Variants in MAGI2 observed in about 807,000 individuals in gnomAD.
MAGI2 encodes the protein membrane associated guanylate kinase, WW and PDZ domain containing 2, also known as membrane-associated guanylate kinase, WW and PDZ domain-containing protein 2.
MAGI2 carries 35 observed loss-of-function variants against 133.3 expected under a neutral mutation model. The ratio of observed to expected loss-of-function variants is 0.26; its 90% CI spans 0.20 to 0.35. The LOEUF is 0.35. MAGI2 is among the 10% of genes least tolerant of loss of function. MAGI2 has a pLI of 1.00. For synonymous variants in MAGI2, 729 were observed against 710.6 expected (o/e 1.03, Z -0.41); for missense variants, 1,636 against 1,863.4 (o/e 0.88, Z 2.25).
At position 78,422,580 on chromosome 7, in the gene MAGI2, C is replaced by CAAA. The variant is rs11441295; in HGVS notation, c.1046-53370_1046-53368dup. 1.9e-3 allele frequency among the ~76,000 whole-genome samples: 213 copies of CAAA among 112,898 alleles called. 3 individuals are homozygous for CAAA. Among genetic ancestry groups the CAAA allele is most frequent in the African/African-American group, 5.6e-3 (197 of 34,934 alleles). 74.1% of individuals were successfully genotyped at this position (112,898 alleles called of 152,430 possible). A position where few individuals can be genotyped will look rare whatever the true frequency, so the allele number is the denominator to read the frequency against. On this transcript the variant is annotated intron_variant, in intron 6 of 21. Transcript: ENST00000354212. ...AGAAGGTGAATGTAATGTGTAAAGG[C>CAAA]AAAAAAAAAAAAAAAATCTACTCCT...
intron 1 of MAGI2, among the ~76,000 whole-genome samples, chr7:79,150,715 T>C (rs1279635294): frequency 6.6e-6 from 1 of 152,092 alleles, no homozygotes; most frequent in Non-Finnish European, 1.5e-5. Flanking sequence ...AATTTTTCCT[T>C]CTTTTTCATC....
At chr7:78,415,294 G>C (rs1798199697) in intron 6 of MAGI2, among the ~76,000 whole-genome samples, 1 of 152,060 alleles carries the variant, frequency 6.6e-6, no homozygotes, top group Admixed American at 6.6e-5. Context: ...GAGCTACGCT[G>C]CACTGCTGTG....
chr7:79,054,786 G>A (rs750606771), intron 1 of MAGI2, among the ~76,000 whole-genome samples: 22 of 151,992 alleles, frequency 1.4e-4, no homozygotes, highest in Non-Finnish European at 2.9e-4. Context: ...TTTGTCTTTG[G>A]GTCCCAATTT....
intron 10 of MAGI2, among the ~76,000 whole-genome samples, chr7:78,241,626 T>A (rs561641110): frequency 5.0e-4 from 76 of 152,310 alleles, no homozygotes; most frequent in Middle Eastern, 3.4e-3. Context: ...CACATCACTA[T>A]ATCATGTTAG....
intron 20 of MAGI2, among the ~76,000 whole-genome samples, chr7:78,093,961 A>G (rs1404896873): frequency 6.6e-6 from 1 of 152,212 alleles, no homozygotes; most frequent in Non-Finnish European, 1.5e-5. Flanking sequence ...GCAACCAACC[A>G]ACCTTCTATG....
intron 3 of MAGI2, among the ~76,000 whole-genome samples, chr7:78,544,855 TAAAAAC>T (rs954565064): frequency 2.0e-4 from 30 of 151,444 alleles, no homozygotes; most frequent in Non-Finnish European, 3.7e-4. Flanking sequence ...AAAATAAAAA[TAAAAAC>T]AAAAAACAAC....
At chr7:78,745,292 CT>C (rs1822820982) in intron 2 of MAGI2, among the ~76,000 whole-genome samples, 1 of 152,146 alleles carries the variant, frequency 6.6e-6, no homozygotes, top group African/African-American at 2.4e-5. Flanking sequence ...AGATTTGAAC[CT>C]CTGCAGTTTG....
At chr7:78,686,659 C>T (rs1223504750) in intron 2 of MAGI2, among the ~76,000 whole-genome samples, 5 of 151,706 alleles carry the variant, frequency 3.3e-5, no homozygotes, top group East Asian at 1.9e-4. Context: ...TAATGTGATC[C>T]GAGGCTATGA....
At chr7:78,288,201 G>A (rs188859363) in intron 9 of MAGI2, among the ~76,000 whole-genome samples, 8 of 152,112 alleles carry the variant, frequency 5.3e-5, no homozygotes, top group African/African-American at 1.7e-4. Flanking sequence ...TAATTTTAAC[G>A]GAATTCTTCT....
intron 21 of MAGI2, among the ~76,000 whole-genome samples, chr7:78,048,431 C>G (rs1811655280): frequency 6.6e-6 from 1 of 152,096 alleles, no homozygotes; most frequent in African/African-American, 2.4e-5. Flanking sequence ...ACTCTCTCAC[C>G]TTCTTCCTCG....
At chr7:78,406,840 T>C (rs960238892) in intron 6 of MAGI2, among the ~76,000 whole-genome samples, 95 of 152,244 alleles carry the variant, frequency 6.2e-4, no homozygotes, top group African/African-American at 2.2e-3. Flanking sequence ...ATGTTCAATG[T>C]CTATTGACAT....
Position 78,019,354 on chromosome 7 carries a change from G to C in MAGI2, c.4329C>G (p.Pro1443=), listed in dbSNP as rs13438302. 0.23 allele frequency: 353,159 copies of C among 1,508,894 alleles called. 48,992 individuals carry two copies. Among genetic ancestry groups the C allele is most frequent in the East Asian group, 0.65 (23,999 of 36,914 alleles). The allele number at this position is 1,508,894 out of a possible 1,614,324, so 93.5% of individuals were successfully genotyped here. The change falls in exon 22 of 22, where the codon CCC becomes CCG. Residue 1443 remains proline, a synonymous_variant. Transcript: ENST00000354212. ...PWKVPGSDKL[P]SVLKPGASAA... ...CCGAGGCGCCGGGTTTGAGGACGCT[G>C]GGCAGCTTGTCAGAACCCGGCACCT...
intron 1 of MAGI2, among the ~76,000 whole-genome samples, chr7:79,032,288 G>A (rs891916332): frequency 9.2e-5 from 14 of 152,170 alleles, no homozygotes; most frequent in Admixed American, 5.2e-4. Flanking sequence ...AGGCCAAGGC[G>A]GGCAGATCAT....
intron 3 of MAGI2, among the ~76,000 whole-genome samples, chr7:78,603,731 C>T (rs1357391351): frequency 6.6e-6 from 1 of 152,106 alleles, no homozygotes; most frequent in Non-Finnish European, 1.5e-5. Context: ...CCATGTTGGC[C>T]AGGCTGGTCT....
chr7:78,502,575 GATT>G (rs2150528539), intron 4 of MAGI2, among the ~76,000 whole-genome samples: 1 of 109,268 alleles, frequency 9.2e-6, no homozygotes, highest in Non-Finnish European at 2.1e-5. Flanking sequence ...ATATTGTTAT[GATT>G]ATTCTATTAT....
chr7:78,521,587 T>C lies in MAGI2; in HGVS notation c.597A>G (p.Val199=). 6.2e-7 allele frequency: 1 copy of C among 1,614,150 alleles called. No individual in the cohort carries two copies. The highest frequency in any genetic ancestry group is 8.5e-7 in the Non-Finnish European group (1 of 1,180,008). ...PAEPAPLLLN[V]TDQILPGATP... ...TGGCTCCTGGAAGTATCTGGTCTGT[T>C]ACATTTAACAATAATGGTGCTGGTT... Residue 199 remains valine (V), a synonymous_variant, in exon 4 of 22, where the codon GTA becomes GTG. Transcript: ENST00000354212.
intron 1 of MAGI2, among the ~76,000 whole-genome samples, chr7:79,340,703 C>T (rs926186893): frequency 6.6e-6 from 1 of 151,970 alleles, no homozygotes; most frequent in Non-Finnish European, 1.5e-5. Flanking sequence ...CACAAATTTC[C>T]TAGGTAAGTG....
rs1473858147 is a variant in MAGI2 at position 79,120,954 on chromosome 7, GC to G, written c.302-113749del. Among the ~76,000 whole-genome samples the G allele has an allele frequency of 2.0e-5, 3 of 152,168 alleles. No individual in the cohort carries two copies. The East Asian group carries it at 5.8e-4, about 29-fold the overall frequency. On this transcript the variant is annotated intron_variant, in intron 1 of 21. Coordinates refer to ENST00000354212, the MANE Select transcript of MAGI2 (RefSeq NM_012301.4). The stretch of plus-strand genomic sequence containing the variant: ...CTTCTGAATATATAAGTTTAGGGTT[GC>G]CAGAAGAATGGCAGGATACTGAAAT...
chr7:79,163,692 T>A lies in MAGI2; in HGVS notation c.302-156486A>T, dbSNP rs113591875. Among the ~76,000 whole-genome samples, 906 of 152,176 alleles carry A rather than the reference T, an allele frequency of 6.0e-3. 16 individuals carry two copies. The highest frequency in any genetic ancestry group is 0.021 in the African/African-American group (866 of 41,560). ...ACACACTGTGAGTCTGATCAAAGAA[T>A]ATAAGGATGCAAGCAGGGATTATTT... On this transcript the variant is annotated intron_variant, in intron 1 of 21. Coordinates refer to ENST00000354212, the MANE Select transcript of MAGI2 (RefSeq NM_012301.4).
Sources: allele counts gnomAD v4.1 joint callset (sites outside exome capture counted in the v4.1 genomes callset), GRCh38; gene constraint gnomAD v4.1.1; transcripts MANE v1.5; gene names NCBI Gene and HGNC (gene_info 2026-07-23, HGNC 2026-07-21).